Variants in UBL4A observed in about 807,000 individuals in gnomAD.
UBL4A encodes ubiquitin like 4A.
Under a neutral mutation model 11.4 loss-of-function variants are expected in UBL4A, and 4 were observed. The ratio of observed to expected loss-of-function variants is 0.35; its 90% CI spans 0.17 to 0.81. UBL4A has a LOEUF of 0.81. Among genes scored for constraint, UBL4A ranks in the 30% least tolerant of loss-of-function variants. The probability of loss-of-function intolerance (pLI) is 0.52; values close to 1 mark genes in which losing one functional copy is unlikely to be tolerated. For missense variants in UBL4A, 112 were observed against 124.9 expected (o/e 0.90, Z 0.49); for synonymous variants, 72 against 61.2 (o/e 1.18, Z -0.83).
In UBL4A at chrX:154,485,607, C is replaced by A. The variant is rs1394297342; in HGVS notation, c.406G>T (p.Glu136Ter). ...SLSRLTLDDI[E>*]RLASRFLHPE... ...TGCAGGAAGCGGCTGGCCAACCGTT[C>A]GATGTCGTCCAGCGTCAGGCGACTC... The change falls in exon 4 of 4, where the codon GAA becomes TAA. Residue 136 changes from glutamate to a stop codon, truncating the protein, a stop_gained. Coordinates refer to ENST00000369660, the MANE Select transcript of UBL4A (RefSeq NM_014235.5). LOFTEE classifies it high-confidence loss of function. The A allele has an allele frequency of 8.3e-7, 1 of 1,208,264 alleles. No individual in the cohort carries two copies. Among genetic ancestry groups the A allele is most frequent in the Non-Finnish European group, 1.1e-6 (1 of 894,689 alleles).
intron 2 of UBL4A, 42 bp from the exon 3 acceptor site, chrX:154,486,021 G>A: frequency 8.4e-7 from 1 of 1,191,425 alleles, no homozygotes; most frequent in Non-Finnish European, 1.1e-6. Flanking sequence ...CTCCACCGCC[G>A]TGGGGGTGGC....
chrX:154,485,722 G>C (rs1557212678), intron 3 of UBL4A, 49 bp downstream of exon 3: 2 of 1,195,108 alleles, frequency 1.7e-6, no homozygotes, highest in Non-Finnish European at 2.3e-6. Context: ...AGAGGTAGGG[G>C]CTGGGAGCAA....
At position 154,486,257 on chromosome X, in the gene UBL4A, C is replaced by G; in HGVS notation, c.125G>C (p.Arg42Pro). The change falls in exon 2 of 4, where the codon CGG (arginine) becomes CCG (proline). Residue 42 changes from arginine (R) to proline (P), a missense_variant. By Grantham distance (103) the Arg-to-Pro change is moderately radical. Transcript: ENST00000369660. ...CAGGGCCTTGCCCTTGAACAGCAGC[C>G]GCTGCTGGCGCACTGGGACGTTCAG... ...EKLNVPVRQQ[R>P]LLFKGKALAD... 1 of 1,154,455 alleles carries G rather than the reference C, an allele frequency of 8.7e-7. No homozygotes were observed. Among genetic ancestry groups the G allele is most frequent in the Non-Finnish European group, 1.2e-6 (1 of 867,310 alleles).
At chrX:154,485,697 G>C (rs1181440351) in intron 3 of UBL4A, 48 bp from the exon 4 acceptor site, 22 of 1,167,231 alleles carry the variant, frequency 1.9e-5, no homozygotes, top group Non-Finnish European at 2.3e-5. Flanking sequence ...GTGGTGGGGG[G>C]GCATACACTG....
Position 154,484,760 on chromosome X carries a change from C to T in UBL4A, c.*779G>A, listed in dbSNP as rs930680236. The T allele has an allele frequency of 1.8e-5, 2 of 112,984 alleles. No homozygotes were observed. Among genetic ancestry groups the T allele is most frequent in the African/African-American group, 6.4e-5 (2 of 31,026 alleles). The allele number at this position is 112,984 out of a possible 1,213,427, so 9.3% of individuals were successfully genotyped here. On this transcript the variant is annotated 3_prime_UTR_variant, in exon 4 of 4. Coordinates refer to ENST00000369660, the MANE Select transcript of UBL4A (RefSeq NM_014235.5). ...CAGCCCTAACGCTTCCTGGACGAGA[C>T]AAGCAGATAGGGTGCCCCAGAGAGG... is the stretch of plus-strand genomic sequence containing the variant.
intron 3 of UBL4A, 30 bp downstream of exon 3, chrX:154,485,741 G>A: frequency 8.4e-7 from 1 of 1,191,740 alleles, no homozygotes; most frequent in Non-Finnish European, 1.1e-6. Context: ...AACTGGGCCT[G>A]AAGAGGATGC....
rs1557212533 is a variant in UBL4A at position 154,485,420 on chromosome X, G to C, written c.*119C>G. 1 of 797,934 alleles carries C rather than the reference G, an allele frequency of 1.3e-6. No individual in the cohort carries two copies. Among genetic ancestry groups the C allele is most frequent in the Non-Finnish European group, 1.9e-6 (1 of 518,792 alleles). 65.8% of individuals were successfully genotyped at this position (797,934 alleles called of 1,213,427 possible). A position where few individuals can be genotyped will look rare whatever the true frequency, so the allele number is the denominator to read the frequency against. ...AGCTGTGAGGAGTGCCTAGCACCTG[G>C]CCAGAGCCAGGTACATGCCAGCTAT... On this transcript the variant is annotated 3_prime_UTR_variant, in exon 4 of 4. Transcript: ENST00000369660.
intron 3 of UBL4A, 56 bp from the exon 4 acceptor site, chrX:154,485,705 C>T: frequency 1.7e-6 from 2 of 1,193,459 alleles, no homozygotes; most frequent in Non-Finnish European, 2.3e-6. Context: ...GGGGCATACA[C>T]TGCAACAGAG....
rs782592156 is a variant in UBL4A at position 154,483,892 on chromosome X, G to A, written c.*1647C>T. On this transcript the variant is annotated 3_prime_UTR_variant, in exon 4 of 4. Transcript: ENST00000369660. ...TGTAGCAGATACCAACGCAGAGGGA[G>A]GCAGAAGACACTGGGTGAAATTGCT... The A allele has an allele frequency of 8.9e-6, 1 of 112,737 alleles. No homozygotes were observed. Among genetic ancestry groups the A allele is most frequent in the African/African-American group, 3.2e-5 (1 of 31,056 alleles). The allele number at this position is 112,737 out of a possible 1,213,427, so 9.3% of individuals were successfully genotyped here.
At position 154,485,820 on chromosome X, in the gene UBL4A, C is replaced by T; in HGVS notation, c.314G>A (p.Arg105His). 8.4e-7 allele frequency: 1 copy of T among 1,189,831 alleles called. No individual in the cohort carries two copies. Among genetic ancestry groups the T allele is most frequent in the Non-Finnish European group, 1.1e-6 (1 of 884,619 alleles). The stretch of plus-strand genomic sequence containing the variant: ...GCTGGCATCTGCCGCACTGAAGTGG[C>T]GGGCCAAGACTTTGGAGATCAGCTG... ...VWQLISKVLARHFSAADASRV... is the reference protein window; with the variant it reads ...VWQLISKVLAHHFSAADASRV... Residue 105 changes from arginine to histidine, a missense_variant, in exon 3 of 4, where the codon CGC (arginine) becomes CAC (histidine). Arg to His is a conservative substitution (Grantham distance 29). Coordinates refer to ENST00000369660, the MANE Select transcript of UBL4A (RefSeq NM_014235.5).
chrX:154,486,370 C>A (rs782775620), intron 1 of UBL4A, 37 bp from the exon 2 acceptor site: 16 of 1,095,048 alleles, frequency 1.5e-5, no homozygotes, highest in Middle Eastern at 2.5e-4. Context: ...GGGTTGAGCC[C>A]GCGGCCCCCA....
In UBL4A at chrX:154,485,195, G is replaced by A. The variant is rs1299095972; in HGVS notation, c.*344C>T. On this transcript the variant is annotated 3_prime_UTR_variant, in exon 4 of 4. Transcript: ENST00000369660. Reference sequence around the variant, plus strand: ...GCTGCTTTCCCTTTCAGGATCGGGAGGGAGTCACCTGAGGGTATATTCTCA... The same window carrying A: ...GCTGCTTTCCCTTTCAGGATCGGGAAGGAGTCACCTGAGGGTATATTCTCA... 4.8e-5 allele frequency: 21 copies of A among 437,492 alleles called. No individual in the cohort carries two copies. The highest frequency in any genetic ancestry group is 2.5e-5 in the African/African-American group (1 of 40,193). 36.1% of individuals were successfully genotyped at this position (437,492 alleles called of 1,213,427 possible). A position where few individuals can be genotyped will look rare whatever the true frequency, so the allele number is the denominator to read the frequency against.
Position 154,486,520 on chromosome X carries a change from C to T in UBL4A, c.48+17G>A. The stretch of plus-strand genomic sequence containing the variant: ...AGAGAGCGCGCCGGACCCGGCGGCC[C>T]GGCCCGGGGACCCTACCTGCAGGCT... On this transcript the variant is annotated intron_variant, in intron 1 of 3. Transcript: ENST00000369660. 9.7e-7 allele frequency: 1 copy of T among 1,032,246 alleles called. No homozygotes were observed. Among genetic ancestry groups the T allele is most frequent in the Non-Finnish European group, 1.2e-6 (1 of 807,854 alleles). The allele number at this position is 1,032,246 out of a possible 1,213,427, so 85.1% of individuals were successfully genotyped here. A position where few individuals can be genotyped will look rare whatever the true frequency, so the allele number is the denominator to read the frequency against.
intron 2 of UBL4A, 118 bp from the exon 3 acceptor site, chrX:154,486,097 G>A: frequency 9.6e-7 from 1 of 1,040,434 alleles, no homozygotes; most frequent in Non-Finnish European, 1.3e-6. Flanking sequence ...TGAGGCATGC[G>A]GCCGCCTCCC....
In UBL4A at chrX:154,485,355, GGCT is replaced by G; in HGVS notation, c.*181_*183del. The G allele has an allele frequency of 1.8e-6, 1 of 541,701 alleles. No individual in the cohort carries two copies. The highest frequency in any genetic ancestry group is 3.3e-6 in the Non-Finnish European group (1 of 299,350). 44.6% of individuals were successfully genotyped at this position (541,701 alleles called of 1,213,427 possible). A position where few individuals can be genotyped will look rare whatever the true frequency, so the allele number is the denominator to read the frequency against. On this transcript the variant is annotated 3_prime_UTR_variant, in exon 4 of 4. Transcript: ENST00000369660. ...TCATCGCCGGTGCCTCTGCTGTGCC[GGCT>G]CTCCTCTTCTGAGGGTGTGGAAGCA...
chrX:154,486,196 G>T, intron 2 of UBL4A, 32 bp downstream of exon 2: 2 of 1,132,723 alleles, frequency 1.8e-6, no homozygotes, highest in Admixed American at 2.7e-5. Context: ...GCTTCCTGCG[G>T]GGCTCCCCGG....
In UBL4A at chrX:154,485,906, C is replaced by T. The variant is rs782044578; in HGVS notation, c.228G>A (p.Lys76=). 8.3e-7 allele frequency: 1 copy of T among 1,211,218 alleles called. No individual in the cohort carries two copies. Among genetic ancestry groups the T allele is most frequent in the East Asian group, 3.0e-5 (1 of 33,869 alleles). The change falls in exon 3 of 4, where the codon AAG becomes AAA. Residue 76 remains lysine (K), a synonymous_variant. Transcript: ENST00000369660. ...KLNLVVKPLE[K]VLLEEGEAQR... The stretch of plus-strand genomic sequence containing the variant: ...GGGCCTCGCCTTCTTCTAGTAGCAC[C>T]TTCTCCAGGGGTTTGACCACTAGGT...
rs2069279838 is a variant in UBL4A at position 154,483,979 on chromosome X, T to A, written c.*1560A>T. 1 of 113,530 alleles carries A rather than the reference T, an allele frequency of 8.8e-6. No individual in the cohort carries two copies. The highest frequency in any genetic ancestry group is 3.2e-5 in the African/African-American group (1 of 31,304). The allele number at this position is 113,530 out of a possible 1,213,427, so 9.4% of individuals were successfully genotyped here. On this transcript the variant is annotated 3_prime_UTR_variant, in exon 4 of 4. Transcript: ENST00000369660. ...CTTTCATAAGCCAAGAAATTTCCGTTAACTGATTAAACAAATTGCCTTTAT... is the reference window on the plus strand; with the variant it reads ...CTTTCATAAGCCAAGAAATTTCCGTAAACTGATTAAACAAATTGCCTTTAT...
At chrX:154,486,118 G>A in intron 2 of UBL4A, 110 bp downstream of exon 2, 3 of 1,026,361 alleles carry the variant, frequency 2.9e-6, no homozygotes, top group Non-Finnish European at 3.9e-6. Flanking sequence ...TTGGGGTCAT[G>A]TGGCGCTTGG....
Sources: allele counts gnomAD v4.1 joint callset, GRCh38; gene constraint gnomAD v4.1.1; transcripts MANE v1.5; gene names NCBI Gene and HGNC (gene_info 2026-07-23, HGNC 2026-07-21).